The following WDFY4 variants were observed in gnomAD, a reference collection of about 807,000 sequenced individuals.
WDFY4 encodes WDFY family member 4.
A neutral mutation model predicts 351.9 loss-of-function variants in WDFY4; 169 were observed. The observed-to-expected ratio is 0.48, with a 90% CI of 0.42 to 0.55. WDFY4 has a LOEUF of 0.55. WDFY4 is among the 20% of genes least tolerant of loss of function. WDFY4 has a pLI of 0.00. For synonymous variants in WDFY4, 1,622 were observed against 1,574.6 expected, an observed-to-expected ratio of 1.03 and a Z score of -0.71; for missense variants, 3,803 against 3,935.6, an observed-to-expected ratio of 0.97 and a Z score of 0.90.
chr10:48,745,692 C>T, intron 12 of WDFY4: 1 of 572,322 alleles, frequency 1.7e-6, no homozygotes, highest in East Asian at 4.5e-5. Context: ...CTGTCACTGC[C>T]TGGTACTTCC....
chr10:48,844,738 TG>T (rs940586765), intron 39 of WDFY4, among the ~76,000 whole-genome samples: 1 of 152,212 alleles, frequency 6.6e-6, no homozygotes, highest in Non-Finnish European at 1.5e-5. Flanking sequence ...TGAACAAGCC[TG>T]AGTCTTTTCC....
chr10:48,897,401 T>C (rs987376986), intron 44 of WDFY4, 53 bp from the exon 45 acceptor site: 6 of 1,534,362 alleles, frequency 3.9e-6, no homozygotes, highest in Non-Finnish European at 5.3e-6. Flanking sequence ...AGCCTGCACG[T>C]GTCCTCACTC....
At chr10:48,979,755 G>T (rs951452904) in intron 60 of WDFY4, 24 of 152,232 alleles carry the variant, frequency 1.6e-4, no homozygotes, top group African/African-American at 5.5e-4. Context: ...TGGTTGTGGT[G>T]AGGTTGCACT....
chr10:48,778,518 G>A, intron 17 of WDFY4, 93 bp from the exon 18 acceptor site: 1 of 1,281,864 alleles, frequency 7.8e-7, no homozygotes, highest in Non-Finnish European at 1.1e-6. Flanking sequence ...AGTAGGTGCT[G>A]CACCTGGGCT....
intron 43 of WDFY4, among the ~76,000 whole-genome samples, chr10:48,888,419 C>T (rs925363790): frequency 6.6e-6 from 1 of 152,016 alleles, no homozygotes; most frequent in East Asian, 1.9e-4. Flanking sequence ...TTTAGATACA[C>T]CCACTTCCTT....
intron 5 of WDFY4, among the ~76,000 whole-genome samples, chr10:48,725,341 T>C (rs776229159): frequency 1.3e-5 from 2 of 152,150 alleles, no homozygotes; most frequent in Non-Finnish European, 2.9e-5. Context: ...CAGGATGCTA[T>C]GGGCCATGCT....
chr10:48,910,979 C>A (rs1406539009), intron 47 of WDFY4: 1 of 878,730 alleles, frequency 1.1e-6, no homozygotes, highest in Non-Finnish European at 1.4e-6. Context: ...GAAAAAGTGT[C>A]TGAAGGGGGA....
chr10:48,935,452 T>C (rs1266417696), intron 47 of WDFY4, among the ~76,000 whole-genome samples: 1 of 152,256 alleles, frequency 6.6e-6, no homozygotes, highest in East Asian at 1.9e-4. Flanking sequence ...TCAGAGCCCC[T>C]GTCTATGGCA....
At chr10:48,868,582 T>C (rs911054946) in intron 40 of WDFY4, among the ~76,000 whole-genome samples, 1 of 152,138 alleles carries the variant, frequency 6.6e-6, no homozygotes, top group African/African-American at 2.4e-5. Context: ...ACAACATGGA[T>C]TGACAGATTT....
chr10:48,793,681 C>T (rs759720777), intron 23 of WDFY4, among the ~76,000 whole-genome samples: 8 of 152,092 alleles, frequency 5.3e-5, no homozygotes, highest in South Asian at 4.1e-4. Context: ...AGCGTGTGTC[C>T]GGCTTGTTTA....
chr10:48,914,270 C>T (rs2133509879), intron 47 of WDFY4: 4 of 1,159,672 alleles, frequency 3.4e-6, no homozygotes, highest in Non-Finnish European at 4.8e-6. Context: ...TAGGAGATGC[C>T]AGAGGGCACT....
rs1842478854 is a variant in WDFY4, at chr10:48,974,527, A to AAACAAC, written c.8929-334_8929-329dup. 3.0e-4 allele frequency among the ~76,000 whole-genome samples: 7 copies of AAACAAC among 23,148 alleles called. 1 individual carries two copies. The highest frequency in any genetic ancestry group is 5.1e-4 in the African/African-American group (7 of 13,752). The allele number at this position is 23,148 out of a possible 152,430, so 15.2% of individuals were successfully genotyped here. A position where few individuals can be genotyped will look rare whatever the true frequency, so the allele number is the denominator to read the frequency against. ...CAAAAAAAAAAAAAAAAAAAAAAAA[A>AAACAAC]AACAACTCATGACATGAACTGCTCC... On this transcript the variant is annotated intron_variant, in intron 57 of 61. Coordinates refer to ENST00000325239, the MANE Select transcript of WDFY4 (RefSeq NM_001394531.1).
chr10:48,775,842 G>C lies in WDFY4; in HGVS notation c.2863+36G>C, dbSNP rs184103184. 15 of 1,519,108 alleles carry C rather than the reference G, an allele frequency of 9.9e-6. No individual in the cohort carries two copies. In the East Asian group the frequency reaches 3.7e-4, roughly 37 times the overall value. The allele number at this position is 1,519,108 out of a possible 1,614,324, so 94.1% of individuals were successfully genotyped here. ...TGGCAAGAACGGGGCAGGTTAATGG[G>C]AAGTAAAAGATGATAGGCATTCCTG... On this transcript the variant is annotated intron_variant, in intron 15 of 61. Transcript: ENST00000325239.
intron 9 of WDFY4, among the ~76,000 whole-genome samples, chr10:48,732,258 T>TGAGACAGAC (rs2064488421): frequency 6.6e-6 from 1 of 152,278 alleles, no homozygotes; most frequent in South Asian, 2.1e-4. Context: ...GGTCTTTAAC[T>TGAGACAGAC]ACCATCTCCG....
intron 8 of WDFY4, 126 bp downstream of exon 8, chr10:48,729,715 C>A (rs1309415617): frequency 7.9e-7 from 1 of 1,267,236 alleles, no homozygotes; most frequent in Non-Finnish European, 1.1e-6. Context: ...TCTGTCACAA[C>A]CTTTGGGGAG....
intron 39 of WDFY4, among the ~76,000 whole-genome samples, chr10:48,853,276 C>T (rs2069018114): frequency 6.6e-6 from 1 of 152,192 alleles, no homozygotes; most frequent in Non-Finnish European, 1.5e-5. Context: ...CTCTCCTGAG[C>T]TTTCTTCTAG....
chr10:48,788,420 CATCCTCTCA>C, intron 20 of WDFY4, 101 bp from the exon 21 acceptor site: 1 of 1,305,248 alleles, frequency 7.7e-7, no homozygotes, highest in East Asian at 2.5e-5. Flanking sequence ...AACATACAAA[CATCCTCTCA>C]ATGATTACTT....
At chr10:48,775,942 C>A (rs2066018288) in intron 15 of WDFY4, 136 bp downstream of exon 15, 1 of 780,534 alleles carries the variant, frequency 1.3e-6, no homozygotes, top group South Asian at 1.8e-5. Flanking sequence ...AATGCAGCAA[C>A]TGAGGAAAAA....
chr10:48,697,461 A>G (rs1005409904), intron 1 of WDFY4, among the ~76,000 whole-genome samples: 1 of 152,070 alleles, frequency 6.6e-6, no homozygotes, highest in Non-Finnish European at 1.5e-5. Context: ...ATGTTGGGGA[A>G]CCCGGCCTCC....
Sources: allele counts gnomAD v4.1 joint callset (sites outside exome capture counted in the v4.1 genomes callset), GRCh38; gene constraint gnomAD v4.1.1; transcripts MANE v1.5; gene names NCBI Gene and HGNC (gene_info 2026-07-23, HGNC 2026-07-21).